CAPZB: variants seen among roughly 807,000 people sequenced by gnomAD.
CAPZB encodes the protein capping actin protein of muscle Z-line subunit beta.
Under a neutral mutation model 38.1 loss-of-function variants are expected in CAPZB, and 2 were observed. That is an observed-to-expected ratio of 0.05 (90% CI 0.02 to 0.17). The LOEUF is 0.17. Among genes scored for constraint, CAPZB ranks in the 10% least tolerant of loss-of-function variants. The pLI is 1.00. For synonymous variants in CAPZB, 107 were observed against 127.4 expected, an observed-to-expected ratio of 0.84 and a Z score of 1.08; for missense variants, 161 against 334.2, an observed-to-expected ratio of 0.48 and a Z score of 4.04.
intron 1 of CAPZB, among the ~76,000 whole-genome samples, chr1:19,429,181 C>A (rs1408844477): frequency 1.3e-5 from 2 of 152,114 alleles, no homozygotes; most frequent in Non-Finnish European, 2.9e-5. Context: ...TTATCTGCTT[C>A]TTCTGCCAGG....
At chr1:19,427,779 T>C (rs775937293) in intron 1 of CAPZB, among the ~76,000 whole-genome samples, 2 of 152,218 alleles carry the variant, frequency 1.3e-5, no homozygotes, top group Non-Finnish European at 2.9e-5. Flanking sequence ...TCCAATACCC[T>C]CGCTGTCAAG....
chr1:19,365,285 G>A (rs867801665), intron 4 of CAPZB, among the ~76,000 whole-genome samples: 2 of 152,048 alleles, frequency 1.3e-5, no homozygotes, highest in East Asian at 1.9e-4. Context: ...ACATTTCAAC[G>A]TCTCTTTTGG....
intron 8 of CAPZB, among the ~76,000 whole-genome samples, chr1:19,341,286 G>A (rs945454547): frequency 6.6e-6 from 1 of 152,186 alleles, no homozygotes; most frequent in Non-Finnish European, 1.5e-5. Flanking sequence ...CGATTCCCCA[G>A]GGGCTTCTTG....
chr1:19,428,519 T>G (rs975068214), intron 1 of CAPZB, among the ~76,000 whole-genome samples: 2 of 152,210 alleles, frequency 1.3e-5, no homozygotes, highest in Non-Finnish European at 2.9e-5. Context: ...AACTGCTTTA[T>G]GTGTCTCTCT....
chr1:19,356,541 C>A lies in CAPZB; in HGVS notation c.588+94G>T. On this transcript the variant is annotated intron_variant, in intron 6 of 8. Transcript: ENST00000264202. The surrounding 1 kb of genome is among the most constrained non-coding windows in gnomAD (Gnocchi z 4.3). The stretch of plus-strand genomic sequence containing the variant: ...TTTATAGCTGGCTGAACATGCTTAC[C>A]CTAAATGGGGCACCTGCTCACTCAT... 1.2e-6 allele frequency: 1 copy of A among 830,144 alleles called. No individual in the cohort carries two copies. Among genetic ancestry groups the A allele is most frequent in the South Asian group, 1.3e-5 (1 of 74,928 alleles). 51.4% of individuals were successfully genotyped at this position (830,144 alleles called of 1,614,324 possible). A position where few individuals can be genotyped will look rare whatever the true frequency, so the allele number is the denominator to read the frequency against.
In CAPZB at chr1:19,419,798, A is replaced by G. The variant is rs181192296; in HGVS notation, c.4-48T>C. On this transcript the variant is annotated intron_variant, in intron 1 of 8. Coordinates refer to ENST00000264202, the MANE Select transcript of CAPZB (RefSeq NM_004930.5). ...GCGTCAGTCATTTTTGCCAGAAGGA[A>G]TATCAAAAACTCCTTTTAAAAAGCA... 59 of 1,126,996 alleles carry G rather than the reference A, an allele frequency of 5.2e-5. No homozygotes were observed. In the African/African-American group the frequency reaches 5.4e-4, roughly 10 times the overall value. 69.8% of individuals were successfully genotyped at this position (1,126,996 alleles called of 1,614,324 possible).
chr1:19,369,741 T>C (rs896356302), intron 4 of CAPZB, among the ~76,000 whole-genome samples: 3 of 152,238 alleles, frequency 2.0e-5, no homozygotes, highest in African/African-American at 2.4e-5. Context: ...CAGACCTCGC[T>C]GAAGGGACAG....
At chr1:19,375,028 A>C (rs1248484642) in intron 4 of CAPZB, among the ~76,000 whole-genome samples, 1 of 151,598 alleles carries the variant, frequency 6.6e-6, no homozygotes, top group Non-Finnish European at 1.5e-5. Flanking sequence ...CACCCAGCTG[A>C]CTCCCCTCTG....
intron 1 of CAPZB, 164 bp from the exon 2 acceptor site, chr1:19,419,914 C>T (rs2094394887): frequency 3.5e-6 from 2 of 569,754 alleles, no homozygotes; most frequent in Admixed American, 3.2e-5. Flanking sequence ...CGGGGGGCGA[C>T]TGTGCAGGCT....
intron 3 of CAPZB, among the ~76,000 whole-genome samples, chr1:19,380,103 C>A (rs1308336969): frequency 6.6e-6 from 1 of 152,194 alleles, no homozygotes; most frequent in African/African-American, 2.4e-5. Flanking sequence ...CCACCAGGCA[C>A]CTACGTCAGT....
At chr1:19,437,531 T>G (rs1442122909) in intron 1 of CAPZB, among the ~76,000 whole-genome samples, 1 of 152,212 alleles carries the variant, frequency 6.6e-6, no homozygotes, top group Non-Finnish European at 1.5e-5. Context: ...TACAGAATGC[T>G]AAGTCCGCTA....
chr1:19,450,159 A>AAAG (rs1553290131), intron 1 of CAPZB, among the ~76,000 whole-genome samples: 4 of 134,446 alleles, frequency 3.0e-5, no homozygotes, highest in Non-Finnish European at 4.7e-5. Flanking sequence ...AAAAAAAAAA[A>AAAG]AAAAAAAAAA....
chr1:19,353,166 C>T lies in CAPZB; in HGVS notation c.588+3469G>A, dbSNP rs544170774. Reference sequence around the variant, plus strand: ...TGGGAAAGCTGAGGACCCATGGGGCCTTGCTGAGGGTGCTGATGCTGGCTG... The same window carrying T: ...TGGGAAAGCTGAGGACCCATGGGGCTTTGCTGAGGGTGCTGATGCTGGCTG... On this transcript the variant is annotated intron_variant, in intron 6 of 8. Coordinates refer to ENST00000264202, the MANE Select transcript of CAPZB (RefSeq NM_004930.5). Among the ~76,000 whole-genome samples the T allele has an allele frequency of 5.9e-5, 9 of 152,346 alleles. No homozygotes were observed. In the East Asian group the frequency reaches 1.7e-3, roughly 29 times the overall value.
intron 4 of CAPZB, among the ~76,000 whole-genome samples, chr1:19,361,224 G>A (rs893104265): frequency 6.4e-4 from 97 of 152,222 alleles, no homozygotes; most frequent in African/African-American, 1.6e-3. Flanking sequence ...TAGAGGCGGC[G>A]TGGTCAATCT....
intron 2 of CAPZB, among the ~76,000 whole-genome samples, chr1:19,402,043 T>C (rs954401504): frequency 6.6e-6 from 1 of 152,186 alleles, no homozygotes; most frequent in Non-Finnish European, 1.5e-5. Flanking sequence ...GGTTGCCAAA[T>C]CTTAACTCAT....
chr1:19,375,348 C>T (rs750052236), intron 4 of CAPZB, among the ~76,000 whole-genome samples: 2 of 152,190 alleles, frequency 1.3e-5, no homozygotes, highest in Non-Finnish European at 2.9e-5. Context: ...CTCTGGTATC[C>T]CGGATGGCAG....
At chr1:19,375,004 T>C (rs2094137925) in intron 4 of CAPZB, among the ~76,000 whole-genome samples, 1 of 152,004 alleles carries the variant, frequency 6.6e-6, no homozygotes, top group Non-Finnish European at 1.5e-5. Flanking sequence ...CCAATGCCCC[T>C]CAGGAGACAA....
intron 1 of CAPZB, among the ~76,000 whole-genome samples, chr1:19,460,421 T>C (rs1041298092): frequency 2.6e-5 from 4 of 151,974 alleles, no homozygotes; most frequent in Non-Finnish European, 4.4e-5. Flanking sequence ...GGACTACAGG[T>C]GCCCGCCACC....
intron 1 of CAPZB, among the ~76,000 whole-genome samples, chr1:19,461,968 A>G (rs1309802466): frequency 1.3e-5 from 2 of 152,174 alleles, no homozygotes. Flanking sequence ...ATGTGCTATT[A>G]CTACTGATTC....
Sources: allele counts gnomAD v4.1 joint callset (sites outside exome capture counted in the v4.1 genomes callset), GRCh38; gene constraint gnomAD v4.1.1; non-coding constraint Gnocchi (gnomAD v3.1); transcripts MANE v1.5; gene names NCBI Gene and HGNC (gene_info 2026-07-23, HGNC 2026-07-21).